The following PLEKHJ1 variants were observed in gnomAD, a reference collection of about 807,000 sequenced individuals.
The protein encoded by PLEKHJ1 is pleckstrin homology domain-containing family J member 1.
PLEKHJ1 carries 20 observed loss-of-function variants against 21.7 expected under a neutral mutation model. That is an observed-to-expected ratio of 0.92 (90% confidence interval 0.65 to 1.34). The LOEUF is 1.34. Ranked by LOEUF, PLEKHJ1 falls within the 40% of genes most tolerant of loss-of-function variation. PLEKHJ1 has a pLI of 0.00. For missense variants in PLEKHJ1, 241 were observed against 202.0 expected (o/e 1.19, Z -1.17); for synonymous variants, 113 against 80.6 (o/e 1.40, Z -2.15).
Position 2,233,831 on chromosome 19 carries a change from G to A in PLEKHJ1, c.*9C>T. 2 of 1,600,614 alleles carry A rather than the reference G, an allele frequency of 1.2e-6. No individual in the cohort carries two copies. The highest frequency in any genetic ancestry group is 1.7e-6 in the Non-Finnish European group (2 of 1,175,896). On this transcript the variant is annotated 3_prime_UTR_variant, in exon 6 of 6. Coordinates refer to ENST00000326631, the MANE Select transcript of PLEKHJ1 (RefSeq NM_018049.3). ...CGTCCCGCTGCACGCTGACCACCGT[G>A]CCCTGCGCTCACGCCTGCAAGCCAC...
chr19:2,231,910 C>A (rs1031239330), downstream of PLEKHJ1: 5 of 218,836 alleles, frequency 2.3e-5, no homozygotes, highest in African/African-American at 1.1e-4. Context: ...GCCACTGGCC[C>A]AGGCAGAAGT....
At chr19:2,236,018 G>C (rs888307684) in intron 1 of PLEKHJ1, 28 bp from the exon 2 acceptor site, 1 of 1,588,498 alleles carries the variant, frequency 6.3e-7, no homozygotes, top group African/African-American at 1.4e-5. Flanking sequence ...ACTCAGGGGC[G>C]CAGGCAGCCC....
downstream of PLEKHJ1, chr19:2,232,460 T>C (rs2144983092): frequency 4.5e-6 from 1 of 221,752 alleles, no homozygotes; most frequent in African/African-American, 2.2e-5. Flanking sequence ...GAACTGTATT[T>C]GGATTGCGCG....
chr19:2,235,855 G>C (rs2024793292), intron 2 of PLEKHJ1, 27 bp from the exon 3 acceptor site: 8 of 1,574,070 alleles, frequency 5.1e-6, no homozygotes, highest in East Asian at 2.4e-5. Context: ...CGCCGGGACG[G>C]GGCAGTGAGC....
In PLEKHJ1 at chr19:2,236,282, C is replaced by A; in HGVS notation, c.-34G>T. 7.7e-7 allele frequency: 1 copy of A among 1,292,086 alleles called. No individual in the cohort carries two copies. The highest frequency in any genetic ancestry group is 1.0e-6 in the Non-Finnish European group (1 of 1,004,258). The allele number at this position is 1,292,086 out of a possible 1,614,324, so 80.0% of individuals were successfully genotyped here. A position where few individuals can be genotyped will look rare whatever the true frequency, so the allele number is the denominator to read the frequency against. Reference sequence around the variant, plus strand: ...GGGGAACGGGAACCCGGGCCGCGCCCTCCCGGCCGCCGTCCCCGCTCAGGC... The same window carrying A: ...GGGGAACGGGAACCCGGGCCGCGCCATCCCGGCCGCCGTCCCCGCTCAGGC... On this transcript the variant is annotated 5_prime_UTR_variant, in exon 1 of 6. It adds an upstream start codon to the 5' untranslated region. Transcript: ENST00000326631.
At position 2,233,769 on chromosome 19, in the gene PLEKHJ1, C is replaced by G; in HGVS notation, c.*71G>C. On this transcript the variant is annotated 3_prime_UTR_variant, in exon 6 of 6. Coordinates refer to ENST00000326631, the MANE Select transcript of PLEKHJ1 (RefSeq NM_018049.3). ...AAAACCAAAACAAAACAGATCCAGGCATGGCCAAGCGATTCATGGCTGGGC... is the reference window on the plus strand; with the variant it reads ...AAAACCAAAACAAAACAGATCCAGGGATGGCCAAGCGATTCATGGCTGGGC... The G allele has an allele frequency of 7.0e-7, 1 of 1,420,772 alleles. No homozygotes were observed. The highest frequency in any genetic ancestry group is 1.2e-5 in the South Asian group (1 of 82,240). The allele number at this position is 1,420,772 out of a possible 1,614,324, so 88.0% of individuals were successfully genotyped here.
At chr19:2,235,290 G>A (rs2024760629) in intron 3 of PLEKHJ1, 1 of 157,750 alleles carries the variant, frequency 6.3e-6, no homozygotes, top group South Asian at 1.9e-4. Flanking sequence ...CCTGGCCTGT[G>A]GAATTTTGAC....
At position 2,234,057 on chromosome 19, in the gene PLEKHJ1, C is replaced by T. The variant is rs200038136; in HGVS notation, c.325G>A (p.Glu109Lys). ...AAGATGAGGCTTCTCCGCATGAACT[C>T]GTAGCTGGGGAAAAGGGTGGCACGG... ...WMEALRRASYEFMRRSLIFYR... is the reference protein window; with the variant it reads ...WMEALRRASYKFMRRSLIFYR... Residue 109 changes from glutamate (E) to lysine (K), a missense_variant, in exon 5 of 6, where the codon GAG (glutamate) becomes AAG (lysine). Glu to Lys is a moderately conservative substitution (Grantham distance 56, BLOSUM62 1). Transcript: ENST00000326631. 2.9e-5 allele frequency: 46 copies of T among 1,613,416 alleles called. No homozygotes were observed. Among genetic ancestry groups the T allele is most frequent in the South Asian group, 4.4e-5 (4 of 91,088 alleles).
At chr19:2,232,381 C>T (rs1007291121), downstream of PLEKHJ1, 1 of 214,004 alleles carries the variant, frequency 4.7e-6, no homozygotes, top group Non-Finnish European at 9.4e-6. Flanking sequence ...AGACCCCCCT[C>T]CCAACACAAC....
In PLEKHJ1 at chr19:2,233,603, G is replaced by T; in HGVS notation, c.*237C>A. On this transcript the variant is annotated 3_prime_UTR_variant, in exon 6 of 6. Transcript: ENST00000326631. ...AATCCAGGTGTGATGGCCGGGTGTG[G>T]CGGCTCATGCCTGTGATCCCCGCTA... 1 of 552,122 alleles carries T rather than the reference G, an allele frequency of 1.8e-6. No individual in the cohort carries two copies. The highest frequency in any genetic ancestry group is 3.3e-5 in the Admixed American group (1 of 30,132). 34.2% of individuals were successfully genotyped at this position (552,122 alleles called of 1,614,324 possible).
chr19:2,236,181 C>T lies in PLEKHJ1; in HGVS notation c.68G>A (p.Gly23Asp). Residue 23 changes from glycine (G) to aspartate (D), a missense_variant, in exon 1 of 6, where the codon GGC becomes GAC. Transcript: ENST00000326631. ...RQPAEMAAEL[G>D]MRGPKKGSVL... ...GCTGCCCTTCTTGGGGCCCCTCATG[C>T]CCAGCTCGGCCGCCATCTCGGCCGG... 2 of 1,482,962 alleles carry T rather than the reference C, an allele frequency of 1.3e-6. No homozygotes were observed. The highest frequency in any genetic ancestry group is 1.8e-6 in the Non-Finnish European group (2 of 1,119,088). 91.9% of individuals were successfully genotyped at this position (1,482,962 alleles called of 1,614,324 possible).
At chr19:2,235,900 C>T in intron 2 of PLEKHJ1, 23 bp downstream of exon 2, 1 of 1,605,488 alleles carries the variant, frequency 6.2e-7, no homozygotes, top group East Asian at 2.2e-5. Context: ...TGGGACCCGC[C>T]CGCGCGCCCG....
chr19:2,234,552 A>C, intron 3 of PLEKHJ1: 3 of 311,848 alleles, frequency 9.6e-6, no homozygotes, highest in Admixed American at 4.8e-5. Flanking sequence ...TCTCTACAAA[A>C]ACAAAAATTA....
Position 2,234,508 on chromosome 19 carries a change from C to T in PLEKHJ1, c.230-268G>A, listed in dbSNP as rs1033541620. ...GGAGGATTGCTTGAGCTCAGGAGTT[C>T]GAGACCAGCCTGGGTGACATGGCAA... On this transcript the variant is annotated intron_variant, in intron 3 of 5. Transcript: ENST00000326631. 2.2e-5 allele frequency: 9 copies of T among 416,200 alleles called. 1 individual carries two copies. Among genetic ancestry groups the T allele is most frequent in the Non-Finnish European group, 3.9e-5 (9 of 229,914 alleles). The allele number at this position is 416,200 out of a possible 1,614,324, so 25.8% of individuals were successfully genotyped here. A position where few individuals can be genotyped will look rare whatever the true frequency, so the allele number is the denominator to read the frequency against.
At chr19:2,230,334 T>A, downstream of PLEKHJ1, 1 of 415,190 alleles carries the variant, frequency 2.4e-6, no homozygotes, top group Non-Finnish European at 4.2e-6. Flanking sequence ...CCCCGCGGCC[T>A]GAGCCCCTTC....
chr19:2,232,933 G>C (rs2024664293), downstream of PLEKHJ1, among the ~76,000 whole-genome samples: 1 of 152,316 alleles, frequency 6.6e-6, no homozygotes, highest in East Asian at 1.9e-4. Context: ...GTGAATGCCA[G>C]AGGCAGGACC....
downstream of PLEKHJ1, chr19:2,230,443 T>C (rs371399757): frequency 4.1e-4 from 165 of 399,944 alleles, no homozygotes; most frequent in East Asian, 5.5e-3. Context: ...CGCCCTTGCA[T>C]GTGAAGGGGC....
chr19:2,231,811 C>G (rs375677700), downstream of PLEKHJ1: 10 of 217,888 alleles, frequency 4.6e-5, no homozygotes, highest in African/African-American at 2.0e-4. Context: ...AGTGGCAGTC[C>G]GGGTGCCATC....
Position 2,233,838 on chromosome 19 carries a change from G to A in PLEKHJ1, c.*2C>T, listed in dbSNP as rs755773786. The A allele has an allele frequency of 5.0e-6, 8 of 1,604,942 alleles. No individual in the cohort carries two copies. Among genetic ancestry groups the A allele is most frequent in the South Asian group, 1.1e-5 (1 of 90,516 alleles). On this transcript the variant is annotated 3_prime_UTR_variant, in exon 6 of 6. Coordinates refer to ENST00000326631, the MANE Select transcript of PLEKHJ1 (RefSeq NM_018049.3). ...CTGCACGCTGACCACCGTGCCCTGC[G>A]CTCACGCCTGCAAGCCACTCAGCTG...
Sources: allele counts gnomAD v4.1 joint callset (sites outside exome capture counted in the v4.1 genomes callset), GRCh38; gene constraint gnomAD v4.1.1; transcripts MANE v1.5; gene names NCBI Gene and HGNC (gene_info 2026-07-23, HGNC 2026-07-21).